Variants in NKAIN2 observed in about 807,000 individuals in gnomAD.
NKAIN2 encodes sodium/potassium-transporting ATPase subunit beta-1-interacting protein 2.
In NKAIN2, 14 loss-of-function variants were observed where a neutral mutation model predicts 32.6. The ratio of observed to expected loss-of-function variants is 0.43; its 90% CI spans 0.28 to 0.67. The LOEUF is 0.67. Among genes scored for constraint, NKAIN2 ranks in the 30% least tolerant of loss-of-function variants. The pLI, the probability that NKAIN2 is intolerant of heterozygous loss-of-function variation, is 0.17. For missense variants in NKAIN2, 198 were observed against 258.3 expected (o/e 0.77, Z 1.60); for synonymous variants, 80 against 87.2 (o/e 0.92, Z 0.46).
chr6:124,511,672 T>C (rs1778719114), intron 3 of NKAIN2, among the ~76,000 whole-genome samples: 1 of 152,160 alleles, frequency 6.6e-6, no homozygotes, highest in African/African-American at 2.4e-5. Context: ...TTCTAGGTTG[T>C]GGTTTAATAG....
intron 1 of NKAIN2, among the ~76,000 whole-genome samples, chr6:123,879,423 A>G (rs1031945693): frequency 6.6e-6 from 1 of 152,210 alleles, no homozygotes; most frequent in Admixed American, 6.5e-5. Context: ...CTAAGTTGCT[A>G]TAACAAAGAA....
At chr6:124,721,410 A>T (rs1235321116) in intron 4 of NKAIN2, among the ~76,000 whole-genome samples, 1 of 151,792 alleles carries the variant, frequency 6.6e-6, no homozygotes, top group South Asian at 2.1e-4. Flanking sequence ...TCTCAAAAAA[A>T]AAAAAAAAAA....
chr6:123,804,330 G>A, intron 1 of NKAIN2, 76 bp downstream of exon 1: 2 of 1,220,880 alleles, frequency 1.6e-6, no homozygotes, highest in Non-Finnish European at 2.4e-6. Context: ...CAAAGGGTCT[G>A]CCATTGACTA....
intron 5 of NKAIN2, among the ~76,000 whole-genome samples, chr6:124,807,077 C>A (rs1309529716): frequency 4.6e-5 from 7 of 151,112 alleles, no homozygotes; most frequent in South Asian, 2.1e-4. Flanking sequence ...TTAGACAGAT[C>A]AACGAGACAG....
At chr6:124,700,470 C>T (rs1339707479) in intron 4 of NKAIN2, among the ~76,000 whole-genome samples, 1 of 152,038 alleles carries the variant, frequency 6.6e-6, no homozygotes, top group Non-Finnish European at 1.5e-5. Context: ...ACTTTATGTC[C>T]AAAACACAGT....
At chr6:124,762,029 T>A (rs1349646382) in intron 4 of NKAIN2, among the ~76,000 whole-genome samples, 3 of 152,160 alleles carry the variant, frequency 2.0e-5, no homozygotes, top group Admixed American at 1.3e-4. Context: ...TAGAAGTAAC[T>A]ATTAGATGTT....
At chr6:124,215,305 C>T (rs1464261406) in intron 1 of NKAIN2, among the ~76,000 whole-genome samples, 3 of 151,892 alleles carry the variant, frequency 2.0e-5, no homozygotes, top group Admixed American at 6.6e-5. Flanking sequence ...GTCATTTAGG[C>T]GATCCAACAT....
At chr6:124,229,533 T>C (rs144955251) in intron 1 of NKAIN2, among the ~76,000 whole-genome samples, 10 of 149,172 alleles carry the variant, frequency 6.7e-5, no homozygotes, top group African/African-American at 2.0e-4. Flanking sequence ...GATAGATAGA[T>C]AGACAGACAG....
chr6:124,640,299 A>G (rs774990037), intron 3 of NKAIN2, among the ~76,000 whole-genome samples: 1 of 152,182 alleles, frequency 6.6e-6, no homozygotes, highest in Non-Finnish European at 1.5e-5. Flanking sequence ...AGCCTTCAAT[A>G]TCTTCAGCAT....
At chr6:124,725,222 A>C (rs955311073) in intron 4 of NKAIN2, among the ~76,000 whole-genome samples, 2 of 152,146 alleles carry the variant, frequency 1.3e-5, no homozygotes, top group Admixed American at 6.5e-5. Flanking sequence ...CAATTTACAT[A>C]CTAGAAAACT....
chr6:124,818,610 G>A (rs1293449019), intron 6 of NKAIN2, 142 bp downstream of exon 6: 12 of 427,834 alleles, frequency 2.8e-5, no homozygotes. Context: ...TCTTGGCTGG[G>A]ATAATTTTAA....
intron 3 of NKAIN2, among the ~76,000 whole-genome samples, chr6:124,464,131 G>A (rs1039314936): frequency 6.6e-6 from 1 of 152,002 alleles, no homozygotes; most frequent in Non-Finnish European, 1.5e-5. Context: ...GGAATTACAG[G>A]CCTGTGCCAC....
chr6:124,645,519 G>A (rs1263552049), intron 3 of NKAIN2, among the ~76,000 whole-genome samples: 1 of 152,188 alleles, frequency 6.6e-6, no homozygotes, highest in African/African-American at 2.4e-5. Context: ...CCAAAATGCT[G>A]TGGTTTGGTG....
chr6:124,594,367 G>A (rs1019649549), intron 3 of NKAIN2, among the ~76,000 whole-genome samples: 6 of 152,182 alleles, frequency 3.9e-5, no homozygotes, highest in African/African-American at 1.4e-4. Context: ...AAACTTGGTA[G>A]ACAGAAATTC....
intron 1 of NKAIN2, among the ~76,000 whole-genome samples, chr6:123,918,478 C>T (rs568445179): frequency 6.6e-5 from 10 of 152,278 alleles, no homozygotes; most frequent in African/African-American, 1.9e-4. Flanking sequence ...AAATATCAAC[C>T]GCATGGCAGA....
At chr6:124,633,318 A>G (rs1783644773) in intron 3 of NKAIN2, among the ~76,000 whole-genome samples, 1 of 152,258 alleles carries the variant, frequency 6.6e-6, no homozygotes, top group Non-Finnish European at 1.5e-5. Context: ...TAATGAATAC[A>G]TAAATTTTAT....
At chr6:124,728,699 A>T (rs1415206196) in intron 4 of NKAIN2, among the ~76,000 whole-genome samples, 1 of 145,144 alleles carries the variant, frequency 6.9e-6, no homozygotes, top group Non-Finnish European at 1.5e-5. Flanking sequence ...GCAAGAAATA[A>T]CTAAAATCAG....
At chr6:124,394,686 G>A (rs1199998206) in intron 3 of NKAIN2, among the ~76,000 whole-genome samples, 5 of 151,298 alleles carry the variant, frequency 3.3e-5, no homozygotes, top group South Asian at 2.1e-4. Flanking sequence ...CCAGGTCAGC[G>A]GTCAGAAGGA....
At position 124,823,556 on chromosome 6, in the gene NKAIN2, C is replaced by G. The variant is rs1211572414; in HGVS notation, c.*327C>G. The G allele has an allele frequency of 5.2e-5, 15 of 286,630 alleles. No homozygotes were observed. The highest frequency in any genetic ancestry group is 7.3e-5 in the Non-Finnish European group (11 of 150,966). The allele number at this position is 286,630 out of a possible 1,614,324, so 17.8% of individuals were successfully genotyped here. ...AGATGTGTTGATGCCCAACGGTTGC[C>G]GGCCATTGCTAACTCCTCTGCAGCC... On this transcript the variant is annotated 3_prime_UTR_variant, in exon 7 of 7. Transcript: ENST00000368417.
Sources: allele counts gnomAD v4.1 joint callset (sites outside exome capture counted in the v4.1 genomes callset), GRCh38; gene constraint gnomAD v4.1.1; transcripts MANE v1.5; gene names NCBI Gene and HGNC (gene_info 2026-07-23, HGNC 2026-07-21).